RBBP7: variants seen among roughly 807,000 people sequenced by gnomAD.
The protein encoded by RBBP7 is RB binding protein 7, chromatin remodeling factor.
RBBP7 carries 5 observed loss-of-function variants against 35.2 expected under a neutral mutation model. The ratio of observed to expected loss-of-function variants is 0.14; its 90% CI spans 0.07 to 0.30. The LOEUF (loss-of-function observed/expected upper bound fraction) is 0.30, where lower values mean the gene tolerates loss of function less well. Ranked by LOEUF, RBBP7 falls within the 10% of genes least tolerant of loss-of-function variation. The probability of loss-of-function intolerance (pLI) is 1.00; values close to 1 mark genes in which losing one functional copy is unlikely to be tolerated. For synonymous variants in RBBP7, 140 were observed against 118.7 expected (o/e 1.18, Z -1.17); for missense variants, 155 against 327.5 (o/e 0.47, Z 4.07).
At chrX:16,868,354 T>G (rs1239907550) in intron 2 of RBBP7, among the ~76,000 whole-genome samples, 5 of 112,422 alleles carry the variant, frequency 4.4e-5, no homozygotes, top group Non-Finnish European at 7.5e-5. Flanking sequence ...GATCTTGGGA[T>G]GGCACTTAAA....
intron 10 of RBBP7, chrX:16,847,367 A>T (rs1397847286): frequency 9.4e-6 from 1 of 106,165 alleles, no homozygotes; most frequent in African/African-American, 3.4e-5. Context: ...GCTACTCGGG[A>T]GGCTGAGGCA....
intron 1 of RBBP7, 192 bp downstream of exon 1, chrX:16,869,846 C>T (rs1198935920): frequency 1.2e-6 from 1 of 866,842 alleles, no homozygotes; most frequent in Non-Finnish European, 1.4e-6. Context: ...CGCCCGGCTC[C>T]GGAAGTGCTC....
intron 2 of RBBP7, among the ~76,000 whole-genome samples, chrX:16,867,552 A>C (rs1930654784): frequency 9.0e-6 from 1 of 111,670 alleles, no homozygotes; most frequent in Non-Finnish European, 1.9e-5. Flanking sequence ...ACATCTGTAC[A>C]TTTATATTTA....
At chrX:16,848,570 C>A (rs775826059) in intron 10 of RBBP7, 1 of 112,249 alleles carries the variant, frequency 8.9e-6, no homozygotes, top group South Asian at 3.7e-4. Flanking sequence ...AAAATGAGTA[C>A]TGGCATTAGA....
At chrX:16,864,526 C>CAAAAAAAAAAAAAAAAAAAAAAAAAAAA (rs61357554) in intron 2 of RBBP7, among the ~76,000 whole-genome samples, 1 of 26,245 alleles carries the variant, frequency 3.8e-5, no homozygotes, top group African/African-American at 1.7e-4. Flanking sequence ...ACTCCGTCTC[C>CAAAAAAAAAAAAAAAAAAAAAAAAAAAA]AAAAAAAAAA....
intron 5 of RBBP7, 146 bp downstream of exon 5, chrX:16,857,448 A>C (rs1930377502): frequency 1.1e-6 from 1 of 935,006 alleles, no homozygotes; most frequent in Non-Finnish European, 1.4e-6. Flanking sequence ...TATGAAAACC[A>C]TCTCTCTAAA....
intron 4 of RBBP7, 98 bp from the exon 5 acceptor site, chrX:16,857,807 C>T (rs1216912505): frequency 9.2e-7 from 1 of 1,081,947 alleles, no homozygotes; most frequent in Non-Finnish European, 1.2e-6. Context: ...ACAGCAACTG[C>T]ACACGAACGA....
At chrX:16,851,529 T>C (rs1302311453) in intron 9 of RBBP7, among the ~76,000 whole-genome samples, 1 of 111,887 alleles carries the variant, frequency 8.9e-6, no homozygotes, top group Non-Finnish European at 1.9e-5. Context: ...CTTTATACAA[T>C]GAGGCCCCAG....
intron 2 of RBBP7, among the ~76,000 whole-genome samples, chrX:16,867,600 A>G (rs1339364388): frequency 1.8e-5 from 2 of 111,840 alleles, no homozygotes; most frequent in African/African-American, 3.2e-5. Flanking sequence ...CTATCTGTAT[A>G]GAAATCAATG....
At chrX:16,850,167 C>T (rs1225220228) in intron 9 of RBBP7, among the ~76,000 whole-genome samples, 1 of 112,222 alleles carries the variant, frequency 8.9e-6, no homozygotes, top group Non-Finnish European at 1.9e-5. Context: ...AGTATAGTTG[C>T]TAAAACTCAC....
rs369447435 is a variant in RBBP7, at chrX:16,852,183, G to T, written c.964-61C>A. 1.5e-4 allele frequency: 144 copies of T among 965,109 alleles called. No homozygotes were observed. In the African/African-American group the frequency reaches 2.4e-3, roughly 16 times the overall value. The allele number at this position is 965,109 out of a possible 1,213,427, so 79.5% of individuals were successfully genotyped here. ...ATCATCCGCTGCTAGGTTTGTGGCT[G>T]TTGTTCTAATCTGATATTTTCCCAT... On this transcript the variant is annotated intron_variant, in intron 8 of 11. Coordinates refer to ENST00000380087, the MANE Select transcript of RBBP7 (RefSeq NM_002893.4).
chrX:16,853,849 GAGA>G lies in RBBP7; in HGVS notation c.598-10_598-8del, dbSNP rs58515899. Reference sequence around the variant, plus strand: ...TATCCCACAGACAAACAGTCTAAGAGAGAAGGAGAGAAAAAAAAAAGAACAAGG... The same window carrying G: ...TATCCCACAGACAAACAGTCTAAGAGAGGAGAGAAAAAAAAAAGAACAAGG... On this transcript the variant is annotated splice_polypyrimidine_tract_variant and splice_region_variant and intron_variant, in intron 5 of 11. Coordinates refer to ENST00000380087, the MANE Select transcript of RBBP7 (RefSeq NM_002893.4). 104,956 of 1,080,456 alleles carry G rather than the reference GAGA, an allele frequency of 0.097. 4,172 individuals carry two copies. Among genetic ancestry groups the G allele is most frequent in the East Asian group, 0.25 (7,244 of 28,946 alleles). The allele number at this position is 1,080,456 out of a possible 1,213,427, so 89.0% of individuals were successfully genotyped here. A position where few individuals can be genotyped will look rare whatever the true frequency, so the allele number is the denominator to read the frequency against.
intron 1 of RBBP7, 59 bp from the exon 2 acceptor site, chrX:16,869,279 T>G: frequency 8.6e-7 from 1 of 1,157,122 alleles, no homozygotes; most frequent in Non-Finnish European, 1.2e-6. Context: ...AGTCAGAAAT[T>G]GGAGGTCACC....
chrX:16,867,485 G>C (rs771992738), intron 2 of RBBP7, among the ~76,000 whole-genome samples: 11 of 111,193 alleles, frequency 9.9e-5, no homozygotes, highest in Non-Finnish European at 2.1e-4. Context: ...AATCTGTTGT[G>C]GCTGTAAACG....
intron 5 of RBBP7, among the ~76,000 whole-genome samples, chrX:16,857,224 T>C (rs185007413): frequency 1.8e-5 from 2 of 112,080 alleles, no homozygotes; most frequent in East Asian, 2.8e-4. Context: ...TTAGTGGCAA[T>C]AGTTGTGCAC....
intron 11 of RBBP7, 46 bp downstream of exon 11, chrX:16,845,782 T>C (rs1340596583): frequency 8.5e-7 from 1 of 1,177,718 alleles, no homozygotes; most frequent in Non-Finnish European, 1.1e-6. Flanking sequence ...AAGTAGTAAA[T>C]CTCTCCTTTA....
chrX:16,862,742 G>A (rs1930505233), intron 3 of RBBP7, among the ~76,000 whole-genome samples: 1 of 111,386 alleles, frequency 9.0e-6, no homozygotes, highest in Admixed American at 9.6e-5. Flanking sequence ...AACTTTCTAT[G>A]AACCAACATC....
At chrX:16,847,156 A>G (rs768861918) in intron 10 of RBBP7, 1 of 107,902 alleles carries the variant, frequency 9.3e-6, no homozygotes, top group African/African-American at 3.4e-5. Context: ...ATAGCTTTTT[A>G]AAGTACTCTT....
At chrX:16,852,236 C>G (rs1461906651) in intron 8 of RBBP7, 114 bp from the exon 9 acceptor site, 12 of 691,697 alleles carry the variant, frequency 1.7e-5, no homozygotes, top group Non-Finnish European at 2.7e-5. Context: ...TATCCTTGGC[C>G]TGATGGCCTC....
Sources: allele counts gnomAD v4.1 joint callset (sites outside exome capture counted in the v4.1 genomes callset), GRCh38; gene constraint gnomAD v4.1.1; transcripts MANE v1.5; gene names NCBI Gene and HGNC (gene_info 2026-07-23, HGNC 2026-07-21).